IL1RAPL2: variants seen among roughly 807,000 people sequenced by gnomAD.
IL1RAPL2 encodes the protein interleukin 1 receptor accessory protein like 2, also known as X-linked interleukin-1 receptor accessory protein-like 2.
A neutral mutation model predicts 44.1 loss-of-function variants in IL1RAPL2; 3 were observed. That is an observed-to-expected ratio of 0.07 (90% confidence interval 0.03 to 0.18). The LOEUF (loss-of-function observed/expected upper bound fraction) is 0.18. Among genes scored for constraint, IL1RAPL2 ranks in the 10% least tolerant of loss-of-function variants. The probability of loss-of-function intolerance (pLI) is 1.00; values close to 1 mark genes in which losing one functional copy is unlikely to be tolerated. For synonymous variants in IL1RAPL2, 181 were observed against 178.8 expected (o/e 1.01, Z -0.10); for missense variants, 391 against 496.4 (o/e 0.79, Z 2.02).
At chrX:105,165,002 C>T (rs1448045069) in intron 2 of IL1RAPL2, among the ~76,000 whole-genome samples, 1 of 111,512 alleles carries the variant, frequency 9.0e-6, no homozygotes, top group Non-Finnish European at 1.9e-5. Flanking sequence ...ACCTCCAGCT[C>T]AATGTATCTA....
intron 2 of IL1RAPL2, among the ~76,000 whole-genome samples, chrX:104,745,239 A>G (rs775054477): frequency 9.0e-6 from 1 of 110,744 alleles, no homozygotes; most frequent in Admixed American, 9.6e-5. Flanking sequence ...AAAAAGAAAG[A>G]TCCATCTCTA....
chrX:104,948,871 C>A (rs1396996665), intron 2 of IL1RAPL2, among the ~76,000 whole-genome samples: 53 of 109,580 alleles, frequency 4.8e-4, no homozygotes, highest in Admixed American at 3.5e-3. Context: ...ATATTGGTCT[C>A]AAATTCTCTT....
intron 5 of IL1RAPL2, among the ~76,000 whole-genome samples, chrX:105,397,128 G>A (rs1013354834): frequency 1.8e-5 from 2 of 110,988 alleles, no homozygotes; most frequent in African/African-American, 6.6e-5. Context: ...ACCCCCAGAT[G>A]GGACCATCTA....
At chrX:105,047,362 CTG>C (rs768217510) in intron 2 of IL1RAPL2, among the ~76,000 whole-genome samples, 1 of 111,636 alleles carries the variant, frequency 9.0e-6, no homozygotes, top group South Asian at 3.7e-4. Flanking sequence ...CCATTTTACT[CTG>C]TGTAAAATTG....
In IL1RAPL2 at chrX:105,767,476, C is replaced by T. The variant is rs746908220; in HGVS notation, c.1876C>T (p.Pro626Ser). ...TTGCAGAGGTTATAAACATGAGATACCAGCCACGACCTTGCCAGTACCTTC... is the reference window on the plus strand; with the variant it reads ...TTGCAGAGGTTATAAACATGAGATATCAGCCACGACCTTGCCAGTACCTTC... Reference protein sequence around the residue: ...HCCRGYKHEIPATTLPVPSLG... With the variant: ...HCCRGYKHEISATTLPVPSLG... The change falls in exon 11 of 11, where the codon CCA becomes TCA. Residue 626 changes from proline to serine, a missense_variant. Pro to Ser is a moderately conservative substitution (Grantham distance 74). Coordinates refer to ENST00000372582, the MANE Select transcript of IL1RAPL2 (RefSeq NM_017416.2). 3 of 1,211,221 alleles carry T rather than the reference C, an allele frequency of 2.5e-6. No homozygotes were observed.
intron 2 of IL1RAPL2, among the ~76,000 whole-genome samples, chrX:105,119,516 C>T (rs2032898594): frequency 8.9e-6 from 1 of 111,825 alleles, no homozygotes; most frequent in Non-Finnish European, 1.9e-5. Context: ...CTTCCCCACA[C>T]CTCCAGCTCA....
chrX:105,041,323 TGTG>T lies in IL1RAPL2; in HGVS notation c.83-154148_83-154146del, dbSNP rs2031731733. On this transcript the variant is annotated intron_variant, in intron 2 of 10. Transcript: ENST00000372582. ...ACTATGTGTTCAATTTTGGAATAGG[TGTG>T]GTGTGGTGCTGAAAATAATGTATAT... is the stretch of plus-strand genomic sequence containing the variant. Among the ~76,000 whole-genome samples the T allele has an allele frequency of 4.5e-5, 5 of 111,003 alleles. No individual in the cohort carries two copies. The South Asian group carries it at 1.9e-3, about 43-fold the overall frequency.
intron 5 of IL1RAPL2, among the ~76,000 whole-genome samples, chrX:105,281,518 T>A (rs1321124828): frequency 8.9e-6 from 1 of 112,533 alleles, no homozygotes; most frequent in Non-Finnish European, 1.9e-5. Flanking sequence ...TTTTTGTCAA[T>A]GATGGACTGT....
At chrX:105,324,751 C>A (rs2034923034) in intron 5 of IL1RAPL2, among the ~76,000 whole-genome samples, 2 of 111,993 alleles carry the variant, frequency 1.8e-5, no homozygotes, top group Non-Finnish European at 3.8e-5. Flanking sequence ...AGAATTCACA[C>A]CTAATACATC....
chrX:105,330,511 A>C (rs2034977636), intron 5 of IL1RAPL2, among the ~76,000 whole-genome samples: 1 of 111,305 alleles, frequency 9.0e-6, no homozygotes, highest in Non-Finnish European at 1.9e-5. Context: ...TGTCTGTTTT[A>C]TATTTACCTC....
At chrX:104,831,974 T>C (rs1476242396) in intron 2 of IL1RAPL2, among the ~76,000 whole-genome samples, 2 of 111,863 alleles carry the variant, frequency 1.8e-5, no homozygotes, top group African/African-American at 3.2e-5. Flanking sequence ...TGTAATTAGA[T>C]ATGCAGTTGA....
chrX:104,813,095 C>T (rs774702825), intron 2 of IL1RAPL2, among the ~76,000 whole-genome samples: 20 of 112,074 alleles, frequency 1.8e-4, no homozygotes, highest in African/African-American at 6.5e-4. Flanking sequence ...TCCTTGATTA[C>T]GTGAATGTTG....
intron 2 of IL1RAPL2, among the ~76,000 whole-genome samples, chrX:105,063,915 C>CTGAG (rs1303064916): frequency 8.9e-6 from 1 of 112,052 alleles, no homozygotes; most frequent in Non-Finnish European, 1.9e-5. Flanking sequence ...CTTCTCTGTG[C>CTGAG]TGAGCCACCT....
At chrX:104,921,243 C>A (rs1489997396) in intron 2 of IL1RAPL2, among the ~76,000 whole-genome samples, 1 of 106,605 alleles carries the variant, frequency 9.4e-6, no homozygotes, top group East Asian at 3.0e-4. Context: ...GCTCCCCCAC[C>A]CCCACCCCAG....
intron 5 of IL1RAPL2, among the ~76,000 whole-genome samples, chrX:105,317,596 A>C (rs2034853894): frequency 8.9e-6 from 1 of 111,840 alleles, no homozygotes; most frequent in South Asian, 3.8e-4. Flanking sequence ...AGGATCGTTC[A>C]TGATAGATAT....
In IL1RAPL2 at chrX:105,580,981, T is replaced by C. The variant is rs2037085447; in HGVS notation, c.772+96594T>C. 2.7e-5 allele frequency among the ~76,000 whole-genome samples: 3 copies of C among 111,751 alleles called. No homozygotes were observed. The South Asian group carries it at 1.1e-3, about 41-fold the overall frequency. ...ATTTTTTTTCTTCTGTGGACTCACC[T>C]TAGTTTTTGTTCAGACTAATATCTG... On this transcript the variant is annotated intron_variant, in intron 6 of 10. Coordinates refer to ENST00000372582, the MANE Select transcript of IL1RAPL2 (RefSeq NM_017416.2).
At chrX:104,841,800 T>G (rs1602752883) in intron 2 of IL1RAPL2, among the ~76,000 whole-genome samples, 1 of 111,024 alleles carries the variant, frequency 9.0e-6, no homozygotes, top group Non-Finnish European at 1.9e-5. Context: ...GACCTGACCT[T>G]TCTCTCTGGC....
intron 5 of IL1RAPL2, among the ~76,000 whole-genome samples, chrX:105,424,552 G>A (rs1276553825): frequency 9.1e-6 from 1 of 109,301 alleles, no homozygotes; most frequent in Non-Finnish European, 1.9e-5. Context: ...AAATGGAGCA[G>A]GAAGTGGAAT....
At chrX:105,385,724 A>C (rs2035471964) in intron 5 of IL1RAPL2, among the ~76,000 whole-genome samples, 2 of 110,620 alleles carry the variant, frequency 1.8e-5, no homozygotes, top group Admixed American at 1.9e-4. Context: ...GAGGGGAAAT[A>C]GTTTGGTTTC....
Sources: allele counts gnomAD v4.1 joint callset (sites outside exome capture counted in the v4.1 genomes callset), GRCh38; gene constraint gnomAD v4.1.1; transcripts MANE v1.5; gene names NCBI Gene and HGNC (gene_info 2026-07-23, HGNC 2026-07-21).